The following MSI2 variants were observed in gnomAD, a reference collection of about 807,000 sequenced individuals.
MSI2 encodes the protein musashi RNA binding protein 2.
MSI2 carries 17 observed loss-of-function variants against 45.6 expected under a neutral mutation model. The observed-to-expected ratio is 0.37, with a 90% CI of 0.26 to 0.56. The LOEUF (loss-of-function observed/expected upper bound fraction) is 0.56. MSI2 is among the 20% of genes least tolerant of loss of function. MSI2 has a pLI of 0.77. For synonymous variants in MSI2, 156 were observed against 158.2 expected (o/e 0.99, Z 0.11); for missense variants, 293 against 444.2 (o/e 0.66, Z 3.06).
At chr17:57,458,099 C>CTTTTTT (rs545653222) in intron 6 of MSI2, among the ~76,000 whole-genome samples, 1 of 134,046 alleles carries the variant, frequency 7.5e-6, no homozygotes, top group African/African-American at 2.8e-5. Context: ...ATATATATAC[C>CTTTTTT]TTTTTTTTTT....
intron 6 of MSI2, among the ~76,000 whole-genome samples, chr17:57,438,541 A>G (rs2084733937): frequency 6.6e-6 from 1 of 152,196 alleles, no homozygotes; most frequent in South Asian, 2.1e-4. Context: ...GAGCACTGAT[A>G]GGGAAAATCA....
intron 7 of MSI2, among the ~76,000 whole-genome samples, chr17:57,576,412 T>C (rs1343488371): frequency 6.6e-6 from 1 of 152,246 alleles, no homozygotes; most frequent in Non-Finnish European, 1.5e-5. Context: ...AGATGTTTTC[T>C]GTATTTCCTA....
At chr17:57,699,190 T>A in the MSI2 span, among the ~76,000 whole-genome samples, 81 of 94,372 alleles carry the variant, frequency 8.6e-4, no homozygotes, top group East Asian at 4.2e-3. Flanking sequence ...AGAGTGTGTG[T>A]GTGTGTGTGT....
intron 6 of MSI2, among the ~76,000 whole-genome samples, chr17:57,431,490 C>T (rs967561703): frequency 2.0e-5 from 3 of 152,176 alleles, no homozygotes; most frequent in South Asian, 2.1e-4. Flanking sequence ...GTCCCAAGGC[C>T]AGCTGTGTTG....
At chr17:57,290,484 A>C (rs948047485) in intron 5 of MSI2, among the ~76,000 whole-genome samples, 1 of 152,124 alleles carries the variant, frequency 6.6e-6, no homozygotes, top group Non-Finnish European at 1.5e-5. Flanking sequence ...AATTTTTAAA[A>C]ATTTTTTGTA....
chr17:57,384,213 G>A (rs2083646904), intron 5 of MSI2, among the ~76,000 whole-genome samples: 1 of 152,208 alleles, frequency 6.6e-6, no homozygotes, highest in Non-Finnish European at 1.5e-5. Context: ...TTTGGATGGG[G>A]CATAGCAGGG....
At chr17:57,597,303 A>G (rs1164113731) in intron 8 of MSI2, among the ~76,000 whole-genome samples, 2 of 152,044 alleles carry the variant, frequency 1.3e-5, no homozygotes, top group African/African-American at 2.4e-5. Context: ...TAATTTTCAC[A>G]GATCACAAAA....
At chr17:57,327,872 G>A (rs1393550447) in intron 5 of MSI2, among the ~76,000 whole-genome samples, 1 of 152,122 alleles carries the variant, frequency 6.6e-6, no homozygotes, top group Non-Finnish European at 1.5e-5. Context: ...GTGTGTGGGA[G>A]CCCATTGTCA....
intron 5 of MSI2, chr17:57,265,760 G>A (rs1028932247): frequency 2.0e-5 from 3 of 152,172 alleles, no homozygotes; most frequent in Non-Finnish European, 4.4e-5. Context: ...TGTAAAATAT[G>A]TAAGAGTTCC....
Position 57,299,547 on chromosome 17 carries a change from G to A in MSI2, c.312+37355G>A, listed in dbSNP as rs12940101. On this transcript the variant is annotated intron_variant, in intron 5 of 13. Coordinates refer to ENST00000284073, the MANE Select transcript of MSI2 (RefSeq NM_138962.4). ...GGGGAAGGGACGTGGGGGAATGGCC[G>A]GTCAGTGGATCAGTTAGAACACACA... is the stretch of plus-strand genomic sequence containing the variant. 5.9e-3 allele frequency among the ~76,000 whole-genome samples: 903 copies of A among 152,220 alleles called. 5 individuals carry two copies. Among genetic ancestry groups the A allele is most frequent in the Middle Eastern group, 0.014 (4 of 294 alleles).
chr17:57,506,390 C>T (rs973268559), intron 6 of MSI2, among the ~76,000 whole-genome samples: 2 of 152,126 alleles, frequency 1.3e-5, no homozygotes, highest in Admixed American at 6.5e-5. Flanking sequence ...TGTAATTTTC[C>T]GTGGTGTATT....
rs974351333 is a variant in MSI2, at chr17:57,627,842, G to A, written c.727+539G>A. ...TGGGACTGCTGTCCATCCTGGGTGA[G>A]CTGTTTAGATTATCCTTTCCCTCTG... On this transcript the variant is annotated intron_variant, in intron 10 of 13. Coordinates refer to ENST00000284073, the MANE Select transcript of MSI2 (RefSeq NM_138962.4). The surrounding 1 kb of genome is among the most constrained non-coding windows in gnomAD (Gnocchi z 4.6). 1 of 157,622 alleles carries A rather than the reference G, an allele frequency of 6.3e-6. No individual in the cohort carries two copies. Among genetic ancestry groups the A allele is most frequent in the African/African-American group, 2.4e-5 (1 of 41,476 alleles). 9.8% of individuals were successfully genotyped at this position (157,622 alleles called of 1,614,324 possible). A position where few individuals can be genotyped will look rare whatever the true frequency, so the allele number is the denominator to read the frequency against.
chr17:57,528,381 T>C (rs1225225717), intron 6 of MSI2, among the ~76,000 whole-genome samples: 1 of 152,042 alleles, frequency 6.6e-6, no homozygotes, highest in African/African-American at 2.4e-5. Flanking sequence ...TGAAATCTTA[T>C]TGCCAGAAAC....
intron 7 of MSI2, among the ~76,000 whole-genome samples, chr17:57,531,376 A>G (rs2086818447): frequency 6.6e-6 from 1 of 152,198 alleles, no homozygotes; most frequent in African/African-American, 2.4e-5. Flanking sequence ...AGCTCTTATT[A>G]TTAGCGTTAT....
At chr17:57,434,389 C>T (rs1050390773) in intron 6 of MSI2, among the ~76,000 whole-genome samples, 1 of 152,158 alleles carries the variant, frequency 6.6e-6, no homozygotes, top group Non-Finnish European at 1.5e-5. Flanking sequence ...CATGAGCCAC[C>T]GTACCTGGCC....
At chr17:57,629,794 C>T (rs1290960835) in intron 10 of MSI2, 1 of 152,580 alleles carries the variant, frequency 6.6e-6, no homozygotes, top group African/African-American at 2.4e-5. Flanking sequence ...GGTGCAAAGG[C>T]TCACGCATCT....
At chr17:57,617,537 A>G (rs1907834694) in intron 9 of MSI2, among the ~76,000 whole-genome samples, 1 of 152,246 alleles carries the variant, frequency 6.6e-6, no homozygotes, top group South Asian at 2.1e-4. Context: ...CTGGTTCACT[A>G]CAAGATAATT....
chr17:57,267,393 C>T (rs573557497), intron 5 of MSI2: 1 of 152,306 alleles, frequency 6.6e-6, no homozygotes, highest in Admixed American at 6.5e-5. Context: ...CACATGCTTT[C>T]GTTTCATTGT....
chr17:57,622,109 G>A (rs776220685), intron 9 of MSI2, among the ~76,000 whole-genome samples: 2 of 152,204 alleles, frequency 1.3e-5, no homozygotes, highest in African/African-American at 2.4e-5. Flanking sequence ...TGAGGCAGAA[G>A]AATCTTGAAC....
Sources: allele counts gnomAD v4.1 joint callset (sites outside exome capture counted in the v4.1 genomes callset), GRCh38; gene constraint gnomAD v4.1.1; non-coding constraint Gnocchi (gnomAD v3.1); transcripts MANE v1.5; gene names NCBI Gene and HGNC (gene_info 2026-07-23, HGNC 2026-07-21).